RMDN3: variants seen among roughly 807,000 people sequenced by gnomAD.
RMDN3 encodes the protein regulator of microtubule dynamics 3.
RMDN3 carries 41 observed loss-of-function variants against 61.8 expected under a neutral mutation model. The ratio of observed to expected loss-of-function variants is 0.66; its 90% CI spans 0.52 to 0.86. The LOEUF is 0.86. Ranked by LOEUF, RMDN3 falls within the 40% of genes least tolerant of loss-of-function variation. RMDN3 has a pLI of 0.00. For missense variants in RMDN3, 557 were observed against 585.3 expected (o/e 0.95, Z 0.50); for synonymous variants, 247 against 232.0 (o/e 1.06, Z -0.59).
intron 7 of RMDN3, chr15:40,739,312 AG>A (rs1897190214): frequency 6.6e-6 from 1 of 152,280 alleles, no homozygotes. Context: ...GGGGGGTATC[AG>A]ATACTTCTAG....
Position 40,755,097 on chromosome 15 carries a change from A to C in RMDN3, c.-22T>G, listed in dbSNP as rs1367477884. Reference sequence around the variant, plus strand: ...TCAACCCCCACCTCAGCCTCACGACACTGCAGACCACAAACCCGGCGCCCT... The same window carrying C: ...TCAACCCCCACCTCAGCCTCACGACCCTGCAGACCACAAACCCGGCGCCCT... On this transcript the variant is annotated 5_prime_UTR_variant, in exon 1 of 13. Coordinates refer to ENST00000338376, the MANE Select transcript of RMDN3 (RefSeq NM_018145.3). 1 of 274,416 alleles carries C rather than the reference A, an allele frequency of 3.6e-6. No individual in the cohort carries two copies. The allele number at this position is 274,416 out of a possible 1,614,324, so 17.0% of individuals were successfully genotyped here. A position where few individuals can be genotyped will look rare whatever the true frequency, so the allele number is the denominator to read the frequency against.
chr15:40,752,647 T>A (rs530514519), intron 2 of RMDN3, among the ~76,000 whole-genome samples: 1 of 152,256 alleles, frequency 6.6e-6, no homozygotes, highest in South Asian at 2.1e-4. Context: ...CTCCCAGAAC[T>A]TCATTTAGTA....
intron 4 of RMDN3, among the ~76,000 whole-genome samples, chr15:40,749,994 A>T (rs1897743012): frequency 6.6e-6 from 1 of 152,164 alleles, no homozygotes; most frequent in Non-Finnish European, 1.5e-5. Flanking sequence ...ATTTCAGTCA[A>T]CCACGGACTG....
intron 4 of RMDN3, among the ~76,000 whole-genome samples, chr15:40,745,749 G>A (rs530348660): frequency 8.9e-4 from 136 of 152,262 alleles, no homozygotes; most frequent in African/African-American, 3.2e-3. Context: ...ACAACCAGCT[G>A]AGGCCCTGTG....
intron 6 of RMDN3, among the ~76,000 whole-genome samples, chr15:40,743,416 TTA>T (rs1897359248): frequency 1.1e-5 from 1 of 87,940 alleles, no homozygotes. Flanking sequence ...GAAAGACTGT[TTA>T]AAAAAAAAAA....
chr15:40,753,015 A>C (rs1897892467), intron 2 of RMDN3, among the ~76,000 whole-genome samples: 2 of 152,190 alleles, frequency 1.3e-5, no homozygotes, highest in Admixed American at 6.5e-5. Context: ...CTTTCTTCTA[A>C]TCTCAGAAGA....
chr15:40,745,386 A>C, intron 4 of RMDN3, 127 bp from the exon 5 acceptor site: 1 of 870,416 alleles, frequency 1.1e-6, no homozygotes, highest in Non-Finnish European at 1.8e-6. Context: ...ACAATCATTC[A>C]TACCTCTTAA....
At chr15:40,738,263 C>A (rs1217569573) in intron 8 of RMDN3, among the ~76,000 whole-genome samples, 1 of 152,108 alleles carries the variant, frequency 6.6e-6, no homozygotes, top group Non-Finnish European at 1.5e-5. Context: ...TGGTACATGC[C>A]TGTAATCCCA....
rs1009660948 is a variant in RMDN3 at position 40,745,079 on chromosome 15, C to T, written c.705G>A (p.Leu235=). The T allele has an allele frequency of 6.2e-7, 1 of 1,614,028 alleles. No homozygotes were observed. Among genetic ancestry groups the T allele is most frequent in the African/African-American group, 1.3e-5 (1 of 74,912 alleles). The part of the protein sequence containing the change: ...SALEAGGSSG[L]EDVLPLLQQA... Reference sequence around the variant, plus strand: ...GCTGCAGGAGGGGCAGCACATCCTCCAAGCCTGAGGAACCTCCAGCCTCCA... The same window carrying T: ...GCTGCAGGAGGGGCAGCACATCCTCTAAGCCTGAGGAACCTCCAGCCTCCA... The change falls in exon 5 of 13, where the codon TTG becomes TTA. Residue 235 remains leucine, a synonymous_variant. Coordinates refer to ENST00000338376, the MANE Select transcript of RMDN3 (RefSeq NM_018145.3).
chr15:40,741,620 A>ATTTTTTTTTTTTTTTTTTTTTTTTTTT lies in RMDN3; in HGVS notation c.911-1428_911-1427insAAAAAAAAAAAAAAAAAAAAAAAAAAA, dbSNP rs553262858. 2.2e-4 allele frequency among the ~76,000 whole-genome samples: 16 copies of ATTTTTTTTTTTTTTTTTTTTTTTTTTT among 71,734 alleles called. 3 individuals carry two copies. The highest frequency in any genetic ancestry group is 6.8e-4 in the African/African-American group (13 of 19,050). 47.1% of individuals were successfully genotyped at this position (71,734 alleles called of 152,430 possible). A position where few individuals can be genotyped will look rare whatever the true frequency, so the allele number is the denominator to read the frequency against. On this transcript the variant is annotated intron_variant, in intron 6 of 12. Transcript: ENST00000338376. Reference sequence around the variant, plus strand: ...ACTGGAGAAGACACTGCAACATAGGATTTTTTTTTTTTTTTTTTTTTTTTT... The same window carrying ATTTTTTTTTTTTTTTTTTTTTTTTTTT: ...ACTGGAGAAGACACTGCAACATAGGATTTTTTTTTTTTTTTTTTTTTTTTTTTTTTTTTTTTTTTTTTTTTTTTTTTT...
At chr15:40,738,633 T>C in intron 7 of RMDN3, 57 bp from the exon 8 acceptor site, 1 of 1,556,640 alleles carries the variant, frequency 6.4e-7, no homozygotes, top group Non-Finnish European at 8.9e-7. Context: ...CTGCAAGGAA[T>C]GGATGCCCCA....
intron 10 of RMDN3, 100 bp downstream of exon 10, chr15:40,737,528 C>T (rs1334692086): frequency 1.6e-6 from 2 of 1,221,724 alleles, no homozygotes. Flanking sequence ...CAAAATTGCC[C>T]CCGACTAGGA....
chr15:40,741,323 T>C (rs539499195), intron 6 of RMDN3, among the ~76,000 whole-genome samples: 14 of 152,010 alleles, frequency 9.2e-5, no homozygotes, highest in African/African-American at 2.4e-4. Flanking sequence ...CTGGGCAACA[T>C]AGGCAGACCC....
intron 6 of RMDN3, among the ~76,000 whole-genome samples, chr15:40,741,403 A>G (rs1897271870): frequency 6.6e-6 from 1 of 151,888 alleles, no homozygotes; most frequent in Admixed American, 6.6e-5. Flanking sequence ...CTAGGCCAAA[A>G]CTCTTTCACA....
rs1254810732 is a variant in RMDN3 at position 40,736,447 on chromosome 15, G to T, written c.*94C>A. 2.7e-6 allele frequency: 3 copies of T among 1,092,028 alleles called. No individual in the cohort carries two copies. Among genetic ancestry groups the T allele is most frequent in the African/African-American group, 1.6e-5 (1 of 63,858 alleles). 67.6% of individuals were successfully genotyped at this position (1,092,028 alleles called of 1,614,324 possible). A position where few individuals can be genotyped will look rare whatever the true frequency, so the allele number is the denominator to read the frequency against. On this transcript the variant is annotated 3_prime_UTR_variant, in exon 13 of 13. Transcript: ENST00000338376. ...TCAGACCCAGGAGACAGATTTGTGT[G>T]GTTTCCTGATCTCAGCAAGGTCTAA...
chr15:40,751,530 T>TCGC lies in RMDN3; in HGVS notation c.417_419dup (p.Arg141dup). 6.2e-7 allele frequency: 1 copy of TCGC among 1,614,014 alleles called. No homozygotes were observed. The highest frequency in any genetic ancestry group is 8.5e-7 in the Non-Finnish European group (1 of 1,180,012). On this transcript the variant is annotated inframe_insertion, in exon 4 of 13. Transcript: ENST00000338376. ...TCCTCTCCCGGACAAACGGAAACCT[T>TCGC]CGCCGCCGAGCCACTCTCTGGTTCT...
At chr15:40,744,500 T>TGGC (rs1555431166) in intron 5 of RMDN3, among the ~76,000 whole-genome samples, 6 of 131,360 alleles carry the variant, frequency 4.6e-5, no homozygotes, top group African/African-American at 1.7e-4. Flanking sequence ...TTCTAACTTC[T>TGGC]GGGGGGGGGG....
intron 1 of RMDN3, 25 bp downstream of exon 1, chr15:40,755,058 C>T (rs1330849620): frequency 7.4e-6 from 3 of 403,172 alleles, no homozygotes; most frequent in Admixed American, 4.2e-5. Flanking sequence ...TCACAGAGTC[C>T]GGCTTCTGGG....
Position 40,745,225 on chromosome 15 carries a change from G to A in RMDN3, c.559C>T (p.Arg187Trp), listed in dbSNP as rs771152595. The A allele has an allele frequency of 5.6e-6, 9 of 1,613,670 alleles. No homozygotes were observed. The highest frequency in any genetic ancestry group is 3.3e-5 in the Admixed American group (2 of 59,980). The change falls in exon 5 of 13, where the codon CGG becomes TGG. Residue 187 changes from arginine to tryptophan, a missense_variant. Arg to Trp is a moderately radical substitution (Grantham distance 101, BLOSUM62 -3). Transcript: ENST00000338376. Reference sequence around the variant, plus strand: ...TCCTCACTTTCTTTGTCAGAGTCCCGCTCATTGTCAGACTCCGCATTGGCT... The same window carrying A: ...TCCTCACTTTCTTTGTCAGAGTCCCACTCATTGTCAGACTCCGCATTGGCT... ...TTANAESDNE[R>W]DSDKESEDGE...
Sources: gnomAD v4.1 joint callset for allele counts (sites outside exome capture counted in the v4.1 genomes callset) on GRCh38, gnomAD v4.1.1 for gene constraint, MANE v1.5 for transcripts, NCBI Gene and HGNC (gene_info 2026-07-23, HGNC 2026-07-21) for gene names.